TMEM135: variants seen among roughly 807,000 people sequenced by gnomAD.
TMEM135 encodes transmembrane protein 135.
A neutral mutation model predicts 60.3 loss-of-function variants in TMEM135; 30 were observed. The ratio of observed to expected loss-of-function variants is 0.50; its 90% CI spans 0.37 to 0.68. The LOEUF (loss-of-function observed/expected upper bound fraction) is 0.68. Ranked by LOEUF, TMEM135 falls within the 30% of genes least tolerant of loss-of-function variation. The pLI, the probability that TMEM135 is intolerant of heterozygous loss-of-function variation, is 0.00. For missense variants in TMEM135, 468 were observed against 548.8 expected (o/e 0.85, Z 1.47); for synonymous variants, 190 against 186.7 (o/e 1.02, Z -0.14).
At chr11:87,243,202 A>T (rs1252816028) in intron 6 of TMEM135, among the ~76,000 whole-genome samples, 1 of 82,738 alleles carries the variant, frequency 1.2e-5, no homozygotes, top group East Asian at 2.2e-4. Context: ...GTTCTGTTCC[A>T]TCGATCTATA....
intron 4 of TMEM135, chr11:87,096,190 C>A: frequency 3.3e-6 from 1 of 305,194 alleles, no homozygotes; most frequent in South Asian, 3.7e-5. Flanking sequence ...GTTTTTTATC[C>A]GTTAAACTCT....
At chr11:87,088,304 G>A (rs1177383472) in intron 3 of TMEM135, among the ~76,000 whole-genome samples, 2 of 152,110 alleles carry the variant, frequency 1.3e-5, no homozygotes, top group Non-Finnish European at 2.9e-5. Context: ...TCCAGTCAAA[G>A]CCTTGGTAAA....
intron 5 of TMEM135, among the ~76,000 whole-genome samples, chr11:87,207,800 T>G (rs1039387356): frequency 6.6e-6 from 1 of 152,224 alleles, no homozygotes; most frequent in South Asian, 2.1e-4. Context: ...GGAGCACTTA[T>G]GCCCATGCCT....
In TMEM135 at chr11:87,328,138, T is replaced by C. The variant is rs1393818447; in HGVS notation, c.*6805T>C. On this transcript the variant is annotated 3_prime_UTR_variant, in exon 15 of 15. Coordinates refer to ENST00000305494, the MANE Select transcript of TMEM135 (RefSeq NM_022918.4). ...CTATTACCCAAGAATTCTGTTACTTTCAGCTGAAAACATTTCTAATGGACA... is the reference window on the plus strand; with the variant it reads ...CTATTACCCAAGAATTCTGTTACTTCCAGCTGAAAACATTTCTAATGGACA... 2.2e-6 allele frequency: 1 copy of C among 453,956 alleles called. No individual in the cohort carries two copies. The highest frequency in any genetic ancestry group is 6.9e-5 in the East Asian group (1 of 14,398). The allele number at this position is 453,956 out of a possible 1,614,324, so 28.1% of individuals were successfully genotyped here. A position where few individuals can be genotyped will look rare whatever the true frequency, so the allele number is the denominator to read the frequency against.
intron 6 of TMEM135, among the ~76,000 whole-genome samples, chr11:87,248,689 G>A (rs1168126200): frequency 6.6e-6 from 1 of 151,900 alleles, no homozygotes. Flanking sequence ...TACTGAATCT[G>A]TAGATTGCTT....
chr11:87,154,675 G>A (rs1189759196), intron 4 of TMEM135, among the ~76,000 whole-genome samples: 2 of 152,146 alleles, frequency 1.3e-5, no homozygotes, highest in Admixed American at 1.3e-4. Flanking sequence ...CATTCTAATG[G>A]ATGGGAAGTG....
At chr11:87,303,357 A>G (rs1590858772) in intron 8 of TMEM135, among the ~76,000 whole-genome samples, 1 of 152,126 alleles carries the variant, frequency 6.6e-6, no homozygotes, top group East Asian at 1.9e-4. Context: ...CTCTCCAGCC[A>G]CCCAGTCAGT....
intron 7 of TMEM135, among the ~76,000 whole-genome samples, chr11:87,298,947 G>T (rs1482073391): frequency 6.6e-6 from 1 of 152,032 alleles, no homozygotes; most frequent in East Asian, 1.9e-4. Flanking sequence ...AATTAGCTGG[G>T]TGTGGTGATG....
At chr11:87,045,922 G>C (rs908322404) in intron 1 of TMEM135, among the ~76,000 whole-genome samples, 11 of 152,174 alleles carry the variant, frequency 7.2e-5, no homozygotes, top group Non-Finnish European at 5.9e-5. Flanking sequence ...GCAGGGTGCT[G>C]TTTGTGGCAG....
intron 4 of TMEM135, among the ~76,000 whole-genome samples, chr11:87,104,865 C>A (rs1345440092): frequency 6.6e-6 from 1 of 152,148 alleles, no homozygotes; most frequent in Non-Finnish European, 1.5e-5. Context: ...AGTCTACAAA[C>A]AGAGATTGTT....
intron 4 of TMEM135, among the ~76,000 whole-genome samples, chr11:87,153,327 T>C (rs1291833393): frequency 6.6e-6 from 1 of 152,216 alleles, no homozygotes; most frequent in Non-Finnish European, 1.5e-5. Flanking sequence ...AGTATGATCC[T>C]ACCTACAGGC....
intron 5 of TMEM135, among the ~76,000 whole-genome samples, chr11:87,210,072 G>A (rs1157898839): frequency 6.6e-6 from 1 of 152,112 alleles, no homozygotes; most frequent in Admixed American, 6.6e-5. Context: ...CAAGAAAGTA[G>A]AAAGATCTCT....
chr11:87,209,370 A>G (rs1591105668), intron 5 of TMEM135, among the ~76,000 whole-genome samples: 1 of 152,226 alleles, frequency 6.6e-6, no homozygotes, highest in African/African-American at 2.4e-5. Context: ...TATTAGCCAA[A>G]TGGAAAACAA....
At chr11:87,232,054 A>G (rs201316252) in intron 5 of TMEM135, among the ~76,000 whole-genome samples, 1 of 151,846 alleles carries the variant, frequency 6.6e-6, no homozygotes, top group East Asian at 1.9e-4. Context: ...GGGTTCAAGC[A>G]ATTGTCATGT....
At chr11:87,281,585 C>A (rs1056783009) in intron 6 of TMEM135, among the ~76,000 whole-genome samples, 3 of 152,174 alleles carry the variant, frequency 2.0e-5, no homozygotes. Flanking sequence ...TAAACAAATA[C>A]AGTTGATCTT....
intron 5 of TMEM135, among the ~76,000 whole-genome samples, chr11:87,219,142 G>C (rs182097295): frequency 6.6e-6 from 1 of 152,188 alleles, no homozygotes; most frequent in African/African-American, 2.4e-5. Flanking sequence ...CAACTCAGAG[G>C]TAGATTAGAA....
intron 6 of TMEM135, among the ~76,000 whole-genome samples, chr11:87,278,644 G>A (rs1942007828): frequency 6.6e-6 from 1 of 152,036 alleles, no homozygotes; most frequent in African/African-American, 2.4e-5. Context: ...AGAGTGCTGG[G>A]ATTACAGGCA....
chr11:87,274,444 T>C (rs768553888), intron 6 of TMEM135, among the ~76,000 whole-genome samples: 1 of 152,216 alleles, frequency 6.6e-6, no homozygotes, highest in South Asian at 2.1e-4. Flanking sequence ...CCTATTCTCA[T>C]ACATGTCTTT....
At chr11:87,249,570 T>G (rs1005390423) in intron 6 of TMEM135, among the ~76,000 whole-genome samples, 1 of 152,170 alleles carries the variant, frequency 6.6e-6, no homozygotes, top group Non-Finnish European at 1.5e-5. Flanking sequence ...TTCTGTTTTT[T>G]TGATGTGCTT....
Sources: allele counts gnomAD v4.1 joint callset (sites outside exome capture counted in the v4.1 genomes callset), GRCh38; gene constraint gnomAD v4.1.1; transcripts MANE v1.5; gene names NCBI Gene and HGNC (gene_info 2026-07-23, HGNC 2026-07-21).